The following ASIC2 variants were observed in gnomAD, a reference collection of about 807,000 sequenced individuals.
ASIC2 encodes the protein acid sensing ion channel subunit 2.
Under a neutral mutation model 57.3 loss-of-function variants are expected in ASIC2, and 25 were observed. That is an observed-to-expected ratio of 0.44 (90% CI 0.32 to 0.61). The LOEUF (loss-of-function observed/expected upper bound fraction) is 0.61. Among genes scored for constraint, ASIC2 ranks in the 20% least tolerant of loss-of-function variants. The pLI, the probability that ASIC2 is intolerant of heterozygous loss-of-function variation, is 0.06. For synonymous variants in ASIC2, 319 were observed against 307.5 expected, an observed-to-expected ratio of 1.04 and a Z score of -0.39; for missense variants, 641 against 738.1, an observed-to-expected ratio of 0.87 and a Z score of 1.52.
intron 1 of ASIC2, among the ~76,000 whole-genome samples, chr17:33,159,203 G>A (rs1255833640): frequency 6.6e-6 from 1 of 152,086 alleles, no homozygotes; most frequent in Admixed American, 6.5e-5. Flanking sequence ...CAGTAATTTG[G>A]GCTTATGATT....
chr17:33,069,731 A>G (rs2092059609), intron 3 of ASIC2, among the ~76,000 whole-genome samples: 1 of 152,146 alleles, frequency 6.6e-6, no homozygotes. Flanking sequence ...TTACCTTTAT[A>G]TTTAAAATAC....
intron 1 of ASIC2, among the ~76,000 whole-genome samples, chr17:33,548,687 G>C (rs1915654671): frequency 6.6e-6 from 1 of 152,146 alleles, no homozygotes; most frequent in East Asian, 1.9e-4. Flanking sequence ...CTACTATCTG[G>C]TCAGTTATGG....
rs542951593 is a variant in ASIC2, at chr17:33,392,198, C to T, written c.556-280131G>A. Among the ~76,000 whole-genome samples, 3 of 113,842 alleles carry T rather than the reference C, an allele frequency of 2.6e-5. No homozygotes were observed. The Admixed American group carries it at 2.7e-4, about 10-fold the overall frequency. 74.7% of individuals were successfully genotyped at this position (113,842 alleles called of 152,430 possible). ...TCCTTCCTTCCTTCCTTCCTTCCCT[C>T]CTTCCTTCCTTCCTTCCTTCCTTCC... On this transcript the variant is annotated intron_variant, in intron 1 of 9. Coordinates refer to the ASIC2 transcript ENST00000359872.
chr17:33,413,260 T>C (rs1910726250), intron 1 of ASIC2, among the ~76,000 whole-genome samples: 1 of 152,228 alleles, frequency 6.6e-6, no homozygotes, highest in Admixed American at 6.5e-5. Context: ...ATTAGCAAAT[T>C]CATTCATTAA....
chr17:33,446,482 T>C (rs552352458), intron 1 of ASIC2, among the ~76,000 whole-genome samples: 2 of 152,160 alleles, frequency 1.3e-5, no homozygotes, highest in Non-Finnish European at 2.9e-5. Flanking sequence ...AATCAGAATG[T>C]TCAACGTGGA....
intron 1 of ASIC2, among the ~76,000 whole-genome samples, chr17:33,378,612 T>C (rs1028520224): frequency 2.6e-5 from 4 of 152,236 alleles, no homozygotes; most frequent in Non-Finnish European, 5.9e-5. Context: ...TGACAAAATA[T>C]GTAGCAAATT....
chr17:33,390,245 G>A (rs776569671), intron 1 of ASIC2, among the ~76,000 whole-genome samples: 23 of 151,940 alleles, frequency 1.5e-4, no homozygotes, highest in Admixed American at 2.0e-4. Context: ...CCCAGGAGCC[G>A]GAGGTTGCAG....
intron 1 of ASIC2, among the ~76,000 whole-genome samples, chr17:33,502,736 C>G (rs1016442549): frequency 1.3e-5 from 2 of 152,132 alleles, no homozygotes; most frequent in Non-Finnish European, 2.9e-5. Context: ...TCCCAGTGTC[C>G]GCATCCTTAA....
intron 1 of ASIC2, among the ~76,000 whole-genome samples, chr17:34,134,904 C>T (rs1353085992): frequency 6.6e-6 from 1 of 152,220 alleles, no homozygotes; most frequent in Non-Finnish European, 1.5e-5. Flanking sequence ...CCTTGGGCCC[C>T]TTCAGTTCAT....
intron 1 of ASIC2, among the ~76,000 whole-genome samples, chr17:33,942,650 G>A (rs1265208843): frequency 6.6e-6 from 1 of 152,184 alleles, no homozygotes; most frequent in Non-Finnish European, 1.5e-5. Flanking sequence ...ACGAGTGGCA[G>A]AGACAAATTG....
intron 2 of ASIC2, among the ~76,000 whole-genome samples, chr17:33,093,972 G>C (rs758351253): frequency 6.6e-6 from 1 of 152,164 alleles, no homozygotes; most frequent in East Asian, 1.9e-4. Context: ...GTGGCTGAGT[G>C]GGGGAACCCT....
chr17:33,170,810 A>G (rs1052539920), intron 1 of ASIC2, among the ~76,000 whole-genome samples: 6 of 152,196 alleles, frequency 3.9e-5, no homozygotes, highest in African/African-American at 1.4e-4. Flanking sequence ...CAATATTCCC[A>G]TCAAATATTC....
intron 1 of ASIC2, chr17:34,051,838 CACACACACAT>C (rs1479189900): frequency 1.6e-5 from 2 of 128,988 alleles, no homozygotes; most frequent in African/African-American, 7.2e-5. Context: ...CACACACACA[CACACACACAT>C]ACACACACAC....
intron 1 of ASIC2, among the ~76,000 whole-genome samples, chr17:33,918,839 C>G (rs965089869): frequency 2.6e-4 from 40 of 152,172 alleles, no homozygotes; most frequent in African/African-American, 8.7e-4. Flanking sequence ...ACTCTCAATG[C>G]TACTGTACAT....
rs140258178 is a variant in ASIC2 at position 33,642,530 on chromosome 17, G to GAATC, written c.555+513444_555+513447dup. Among the ~76,000 whole-genome samples the GAATC allele has an allele frequency of 6.4e-3, 975 of 152,300 alleles. 5 individuals are homozygous for GAATC. Among genetic ancestry groups the GAATC allele is most frequent in the Non-Finnish European group, 1.0e-2 (677 of 68,028 alleles). On this transcript the variant is annotated intron_variant, in intron 1 of 9. Transcript: ENST00000359872. ...TTGCAAAAATACTTGTTGAATGAAT[G>GAATC]AATCAATCAGTGATACAGACCAAGG...
intron 3 of ASIC2, among the ~76,000 whole-genome samples, chr17:33,075,325 C>A (rs56265182): frequency 0.033 from 5,070 of 152,206 alleles, 275 homozygotes; most frequent in African/African-American, 0.11. Context: ...ATGTGAGTCC[C>A]TTAAACCTTT....
At chr17:33,306,487 G>T (rs1278533153) in intron 1 of ASIC2, among the ~76,000 whole-genome samples, 4 of 152,102 alleles carry the variant, frequency 2.6e-5, no homozygotes, top group African/African-American at 9.7e-5. Context: ...AGGTATTTTG[G>T]TCATGAATTT....
rs58668822 is a variant in ASIC2 at position 33,278,199 on chromosome 17, A to ATT, written c.708+13207_708+13208dup. 4.4e-3 allele frequency among the ~76,000 whole-genome samples: 599 copies of ATT among 137,590 alleles called. 4 individuals are homozygous for ATT. Among genetic ancestry groups the ATT allele is most frequent in the African/African-American group, 0.012 (431 of 37,360 alleles). 90.3% of individuals were successfully genotyped at this position (137,590 alleles called of 152,430 possible). Reference sequence around the variant, plus strand: ...TGTTCCCTATCAGATGCCCTTATTCATTTTTTTTTTTTTTGCCTTCACAGC... The same window carrying ATT: ...TGTTCCCTATCAGATGCCCTTATTCATTTTTTTTTTTTTTTTGCCTTCACAGC... On this transcript the variant is annotated intron_variant, in intron 1 of 9. Coordinates refer to ENST00000225823, the MANE Select transcript of ASIC2 (RefSeq NM_183377.2).
chr17:33,757,460 G>A (rs1440097524), intron 1 of ASIC2, among the ~76,000 whole-genome samples: 1 of 152,138 alleles, frequency 6.6e-6, no homozygotes, highest in Admixed American at 6.5e-5. Context: ...TTAGAGTTCT[G>A]CTCTTTCTGC....
Sources: gnomAD v4.1 joint callset for allele counts (sites outside exome capture counted in the v4.1 genomes callset) on GRCh38, gnomAD v4.1.1 for gene constraint, MANE v1.5 for transcripts, NCBI Gene and HGNC (gene_info 2026-07-23, HGNC 2026-07-21) for gene names.